Variants in CSNK1G1 observed in about 807,000 individuals in gnomAD.
CSNK1G1 encodes casein kinase I isoform gamma-1.
In CSNK1G1, 22 loss-of-function variants were observed where a neutral mutation model predicts 59.6. That is an observed-to-expected ratio of 0.37 (90% CI 0.26 to 0.53). The LOEUF is 0.53. CSNK1G1 is among the 20% of genes least tolerant of loss of function. The probability of loss-of-function intolerance (pLI) is 0.89; values close to 1 mark genes in which losing one functional copy is unlikely to be tolerated. For synonymous variants in CSNK1G1, 179 were observed against 177.1 expected, an observed-to-expected ratio of 1.01 and a Z score of -0.08; for missense variants, 384 against 519.5, an observed-to-expected ratio of 0.74 and a Z score of 2.54.
intron 2 of CSNK1G1, among the ~76,000 whole-genome samples, chr15:64,274,341 G>C (rs1014912188): frequency 4.6e-5 from 7 of 152,074 alleles, no homozygotes; most frequent in Non-Finnish European, 8.8e-5. Flanking sequence ...CAAAAATTTT[G>C]CTCCAGATGA....
At chr15:64,303,078 T>C (rs973927393) in intron 1 of CSNK1G1, among the ~76,000 whole-genome samples, 1 of 151,796 alleles carries the variant, frequency 6.6e-6, no homozygotes, top group African/African-American at 2.4e-5. Context: ...TAAAAACCCA[T>C]AGAAGCCAGG....
intron 4 of CSNK1G1, among the ~76,000 whole-genome samples, chr15:64,217,613 T>G (rs1336816042): frequency 6.6e-6 from 1 of 151,418 alleles, no homozygotes; most frequent in Non-Finnish European, 1.5e-5. Flanking sequence ...AGGTCAAGAG[T>G]TTGAGACCAG....
chr15:64,230,300 T>C (rs1005803634), intron 4 of CSNK1G1, among the ~76,000 whole-genome samples: 2 of 151,734 alleles, frequency 1.3e-5, no homozygotes, highest in East Asian at 1.9e-4. Context: ...TTGCCAGTTT[T>C]GGTTTTTTTT....
chr15:64,231,113 G>C (rs1305653904), intron 4 of CSNK1G1, among the ~76,000 whole-genome samples: 1 of 151,556 alleles, frequency 6.6e-6, no homozygotes, highest in Non-Finnish European at 1.5e-5. Context: ...GATTGCTTGA[G>C]GCCAAAAGTT....
rs746572337 is a variant in CSNK1G1, at chr15:64,216,518, G to T, written c.444+44C>A. The T allele has an allele frequency of 6.3e-7, 1 of 1,593,926 alleles. No homozygotes were observed. The highest frequency in any genetic ancestry group is 1.3e-5 in the African/African-American group (1 of 74,364). ...CCAAAAGGCCCACAAGGATGTGGCT[G>T]AGGAACCAGCTTATTCTCTTCTAGA... On this transcript the variant is annotated intron_variant, in intron 5 of 11. Coordinates refer to ENST00000303052, the MANE Select transcript of CSNK1G1 (RefSeq NM_022048.5). The surrounding 1 kb of genome is among the most constrained non-coding windows in gnomAD (Gnocchi z 4.6).
chr15:64,206,961 T>C (rs1204358904), intron 7 of CSNK1G1, among the ~76,000 whole-genome samples: 1 of 152,204 alleles, frequency 6.6e-6, no homozygotes, highest in Non-Finnish European at 1.5e-5. Flanking sequence ...GTAAAATGTG[T>C]AGCAGCTGTT....
intron 2 of CSNK1G1, among the ~76,000 whole-genome samples, chr15:64,263,986 A>G (rs573974549): frequency 9.2e-5 from 14 of 152,264 alleles, no homozygotes; most frequent in Non-Finnish European, 1.9e-4. Context: ...CGTTTAATTC[A>G]TCTTTTTATC....
chr15:64,220,713 AT>A (rs924742772), intron 4 of CSNK1G1, among the ~76,000 whole-genome samples: 4 of 148,976 alleles, frequency 2.7e-5, no homozygotes, highest in Admixed American at 1.3e-4. Flanking sequence ...ACTATGGCTA[AT>A]TTTTTTTTTG....
intron 1 of CSNK1G1, among the ~76,000 whole-genome samples, chr15:64,343,737 T>A (rs545538710): frequency 6.6e-6 from 1 of 151,306 alleles, no homozygotes; most frequent in Admixed American, 6.6e-5. Context: ...ATATAATCTA[T>A]ATCACCATAC....
At chr15:64,172,309 C>G (rs1315839948) in intron 11 of CSNK1G1, among the ~76,000 whole-genome samples, 1 of 152,198 alleles carries the variant, frequency 6.6e-6, no homozygotes. Context: ...CTCACCTTAT[C>G]AAGAGTCATG....
At chr15:64,186,644 G>A (rs1232996574) in intron 10 of CSNK1G1, among the ~76,000 whole-genome samples, 2 of 151,966 alleles carry the variant, frequency 1.3e-5, no homozygotes, top group African/African-American at 4.8e-5. Context: ...CTGGCAGCCA[G>A]GACTATAGGC....
intron 10 of CSNK1G1, among the ~76,000 whole-genome samples, chr15:64,187,054 C>G (rs1031522255): frequency 1.3e-5 from 2 of 151,858 alleles, no homozygotes; most frequent in African/African-American, 4.8e-5. Context: ...ATCACTTGAC[C>G]TTGTGATCTG....
intron 1 of CSNK1G1, among the ~76,000 whole-genome samples, chr15:64,304,815 T>C (rs1895577493): frequency 6.6e-6 from 1 of 152,228 alleles, no homozygotes; most frequent in Non-Finnish European, 1.5e-5. Flanking sequence ...TCTCTCTTCT[T>C]ACACAACTTA....
chr15:64,202,992 T>C, intron 10 of CSNK1G1, 90 bp downstream of exon 10: 1 of 923,924 alleles, frequency 1.1e-6, no homozygotes, highest in Non-Finnish European at 1.8e-6. Context: ...TTTCAGTACA[T>C]ACACTAAAGC....
intron 4 of CSNK1G1, among the ~76,000 whole-genome samples, chr15:64,221,028 ACTTTT>A (rs1316655016): frequency 6.6e-6 from 1 of 152,186 alleles, no homozygotes; most frequent in Non-Finnish European, 1.5e-5. Flanking sequence ...CTAATGTTGG[ACTTTT>A]CTTCTCTCTG....
intron 2 of CSNK1G1, among the ~76,000 whole-genome samples, chr15:64,291,919 C>G (rs1894760796): frequency 6.6e-6 from 1 of 152,096 alleles, no homozygotes; most frequent in Non-Finnish European, 1.5e-5. Flanking sequence ...CCAATAAAAG[C>G]AGGGCGCAGT....
At chr15:64,293,065 T>A (rs1894830496) in intron 2 of CSNK1G1, among the ~76,000 whole-genome samples, 1 of 152,248 alleles carries the variant, frequency 6.6e-6, no homozygotes. Context: ...TTTACATGAT[T>A]CTTTCCAGGC....
chr15:64,314,851 T>C (rs1285232122), intron 1 of CSNK1G1, among the ~76,000 whole-genome samples: 1 of 152,236 alleles, frequency 6.6e-6, no homozygotes, highest in Non-Finnish European at 1.5e-5. Context: ...TGTGCGTGTG[T>C]GTGTACATTT....
chr15:64,281,513 TA>T (rs1183474133), intron 2 of CSNK1G1, among the ~76,000 whole-genome samples: 1 of 152,108 alleles, frequency 6.6e-6, no homozygotes, highest in Non-Finnish European at 1.5e-5. Flanking sequence ...AGGAGTTGTT[TA>T]ATGAGCATAG....
Sources: gnomAD v4.1 joint callset for allele counts (sites outside exome capture counted in the v4.1 genomes callset) on GRCh38, gnomAD v4.1.1 for gene constraint, Gnocchi (gnomAD v3.1) non-coding constraint, MANE v1.5 for transcripts, NCBI Gene and HGNC (gene_info 2026-07-23, HGNC 2026-07-21) for gene names.